Variants in RASGEF1C observed in about 807,000 individuals in gnomAD.
RASGEF1C encodes ras-GEF domain-containing family member 1C.
Under a neutral mutation model 58.1 loss-of-function variants are expected in RASGEF1C, and 27 were observed. The ratio of observed to expected loss-of-function variants is 0.46; its 90% confidence interval spans 0.34 to 0.64. RASGEF1C has a LOEUF of 0.64. Ranked by LOEUF, RASGEF1C falls within the 30% of genes least tolerant of loss-of-function variation. The pLI is 0.01. For missense variants in RASGEF1C, 502 were observed against 605.1 expected (o/e 0.83, Z 1.79); for synonymous variants, 243 against 246.3 (o/e 0.99, Z 0.13).
At chr5:180,118,931 C>T (rs932015074) in intron 8 of RASGEF1C, 65 bp from the exon 9 acceptor site, 7 of 1,449,636 alleles carry the variant, frequency 4.8e-6, no homozygotes, top group African/African-American at 2.8e-5. Context: ...CGTAGCTGCA[C>T]CCCCTTGGAC....
chr5:180,110,428 C>G (rs1254680481), intron 12 of RASGEF1C, among the ~76,000 whole-genome samples: 2 of 131,618 alleles, frequency 1.5e-5, no homozygotes, highest in Non-Finnish European at 3.1e-5. Context: ...TAAAAGTGCC[C>G]ACTGAGCCTA....
intron 1 of RASGEF1C, among the ~76,000 whole-genome samples, chr5:180,157,245 C>T (rs1766867623): frequency 6.6e-6 from 1 of 152,198 alleles, no homozygotes; most frequent in Admixed American, 6.5e-5. Flanking sequence ...CATAATTGCC[C>T]AAACTTGGAA....
At chr5:180,187,335 A>C (rs1756060879) in intron 1 of RASGEF1C, among the ~76,000 whole-genome samples, 2 of 152,238 alleles carry the variant, frequency 1.3e-5, no homozygotes, top group Admixed American at 6.5e-5. Flanking sequence ...ACCTGGGGAG[A>C]AACATGGATT....
At chr5:180,104,939 A>G (rs1307587735) in intron 12 of RASGEF1C, among the ~76,000 whole-genome samples, 2 of 152,164 alleles carry the variant, frequency 1.3e-5, no homozygotes, top group Non-Finnish European at 2.9e-5. Flanking sequence ...CTCCTGGTAC[A>G]GTAGTCCCCT....
chr5:180,176,251 A>G (rs1190346882), intron 1 of RASGEF1C, among the ~76,000 whole-genome samples: 1 of 152,192 alleles, frequency 6.6e-6, no homozygotes, highest in East Asian at 1.9e-4. Context: ...CCCCAGCCCC[A>G]GGCCTCCCCA....
intron 1 of RASGEF1C, among the ~76,000 whole-genome samples, chr5:180,182,109 G>A (rs1279417372): frequency 2.0e-5 from 3 of 150,356 alleles, no homozygotes; most frequent in Admixed American, 6.7e-5. Flanking sequence ...GGAGGCTGAG[G>A]CAGGAGAATG....
chr5:180,120,360 TCTCTA>T (rs1423928647), intron 7 of RASGEF1C, among the ~76,000 whole-genome samples: 1 of 152,148 alleles, frequency 6.6e-6, no homozygotes. Flanking sequence ...GGCCGCCTCC[TCTCTA>T]CTCTTCTCCG....
chr5:180,192,085 C>G (rs1756174164), intron 1 of RASGEF1C, among the ~76,000 whole-genome samples: 1 of 152,162 alleles, frequency 6.6e-6, no homozygotes. Flanking sequence ...TGGGAAGGAC[C>G]CTGTGCTTTT....
chr5:180,182,752 A>G (rs1004896199), intron 1 of RASGEF1C, among the ~76,000 whole-genome samples: 3 of 152,268 alleles, frequency 2.0e-5, no homozygotes, highest in Admixed American at 2.0e-4. Context: ...TGCTTTTACA[A>G]TCCTTTAGCT....
chr5:180,170,869 T>A (rs1252458595), intron 1 of RASGEF1C, among the ~76,000 whole-genome samples: 1 of 152,136 alleles, frequency 6.6e-6, no homozygotes, highest in African/African-American at 2.4e-5. Context: ...CAGGTGTGGG[T>A]CTGCCTGCAG....
chr5:180,159,932 C>T (rs752310584), intron 1 of RASGEF1C, among the ~76,000 whole-genome samples: 46 of 152,196 alleles, frequency 3.0e-4, no homozygotes, highest in Non-Finnish European at 5.1e-4. Flanking sequence ...CCAGCCAACA[C>T]GTGGGGGCAG....
chr5:180,190,346 C>CA (rs1457764592), intron 1 of RASGEF1C, among the ~76,000 whole-genome samples: 7 of 151,626 alleles, frequency 4.6e-5, no homozygotes, highest in Non-Finnish European at 7.4e-5. Flanking sequence ...AAAAATTAGC[C>CA]GGGCGTGGTG....
rs184448693 is a variant in RASGEF1C, at chr5:180,168,863, T to C, written c.-6-30805A>G. On this transcript the variant is annotated intron_variant, in intron 1 of 13. Coordinates refer to ENST00000361132, the MANE Select transcript of RASGEF1C (RefSeq NM_175062.4). The surrounding 1 kb of genome is among the most constrained non-coding windows in gnomAD (Gnocchi z 6.0). ...CGTTCCTCAAACCAGAAGCAGAGGG[T>C]TTCTCCTGGAGTTCACTGTCAGTGC... 2.6e-5 allele frequency among the ~76,000 whole-genome samples: 4 copies of C among 152,300 alleles called. No homozygotes were observed. The East Asian group carries it at 7.7e-4, about 29-fold the overall frequency.
At chr5:180,149,684 G>T (rs1483418331) in intron 1 of RASGEF1C, among the ~76,000 whole-genome samples, 1 of 152,214 alleles carries the variant, frequency 6.6e-6, no homozygotes, top group East Asian at 1.9e-4. Flanking sequence ...TCCATCTCTT[G>T]ACCTCTCGAT....
intron 3 of RASGEF1C, chr5:180,136,789 G>A: frequency 2.1e-6 from 1 of 482,104 alleles, no homozygotes; most frequent in Non-Finnish European, 3.7e-6. Flanking sequence ...GGGGAGTGGG[G>A]AGTCCTCAGA....
At chr5:180,141,540 C>T (rs1431103409) in intron 1 of RASGEF1C, among the ~76,000 whole-genome samples, 1 of 152,036 alleles carries the variant, frequency 6.6e-6, no homozygotes, top group Non-Finnish European at 1.5e-5. Flanking sequence ...GGTGGGACGG[C>T]GAGTGCCAGG....
In RASGEF1C at chr5:180,144,451, C is replaced by T. The variant is rs190810301; in HGVS notation, c.-6-6393G>A. On this transcript the variant is annotated intron_variant, in intron 1 of 13. Transcript: ENST00000361132. Reference sequence around the variant, plus strand: ...AAGAGTTTGAGACCAGCCTGGGCAACACAGTGAGACCCTCATCTCTAGAAA... The same window carrying T: ...AAGAGTTTGAGACCAGCCTGGGCAATACAGTGAGACCCTCATCTCTAGAAA... 4.7e-3 allele frequency among the ~76,000 whole-genome samples: 709 copies of T among 152,296 alleles called. 3 individuals are homozygous for T. The highest frequency in any genetic ancestry group is 7.1e-3 in the Admixed American group (108 of 15,298).
rs201740022 is a variant in RASGEF1C, at chr5:180,111,440, C to T, written c.1303+17G>A. On this transcript the variant is annotated intron_variant, in intron 12 of 13. Coordinates refer to ENST00000361132, the MANE Select transcript of RASGEF1C (RefSeq NM_175062.4). ...TTCCGTGGCCCAGTAGGCAGGAGGG[C>T]TGCAGGGCTACCTTACCATCCTCAC... The T allele has an allele frequency of 3.1e-6, 5 of 1,614,092 alleles. No homozygotes were observed. The East Asian group carries it at 1.1e-4, about 36-fold the overall frequency.
intron 1 of RASGEF1C, among the ~76,000 whole-genome samples, chr5:180,152,619 C>G (rs10479564): frequency 3.5e-5 from 5 of 143,242 alleles, no homozygotes; most frequent in Middle Eastern, 3.4e-3. Flanking sequence ...CGTTAAATGA[C>G]GAGTTAATGG....
Sources: allele counts gnomAD v4.1 joint callset (sites outside exome capture counted in the v4.1 genomes callset), GRCh38; gene constraint gnomAD v4.1.1; non-coding constraint Gnocchi (gnomAD v3.1); transcripts MANE v1.5; gene names NCBI Gene and HGNC (gene_info 2026-07-23, HGNC 2026-07-21).